ADAMTS18: variants seen among roughly 807,000 people sequenced by gnomAD.
The protein encoded by ADAMTS18 is A disintegrin and metalloproteinase with thrombospondin motifs 18.
ADAMTS18 carries 157 observed loss-of-function variants against 165.9 expected under a neutral mutation model. The ratio of observed to expected loss-of-function variants is 0.95; its 90% confidence interval spans 0.83 to 1.08. The LOEUF (loss-of-function observed/expected upper bound fraction) is 1.08, where lower values mean the gene tolerates loss of function less well. Ranked by LOEUF, ADAMTS18 falls within the 50% of genes least tolerant of loss-of-function variation. The pLI, the probability that ADAMTS18 is intolerant of heterozygous loss-of-function variation, is 0.00. For synonymous variants in ADAMTS18, 782 were observed against 578.2 expected, an observed-to-expected ratio of 1.35 and a Z score of -5.06; for missense variants, 2,040 against 1,534.0, an observed-to-expected ratio of 1.33 and a Z score of -5.51.
chr16:77,304,077 G>C (rs1304176739), intron 16 of ADAMTS18, among the ~76,000 whole-genome samples: 1 of 151,998 alleles, frequency 6.6e-6, no homozygotes, highest in African/African-American at 2.4e-5. Context: ...AAATGTTTTA[G>C]TAAATCTGAG....
Position 77,282,812 on chromosome 16 carries a change from G to C in ADAMTS18, c.*1144C>G, listed in dbSNP as rs369660472. Reference sequence around the variant, plus strand: ...TGATGACTGAAAATACTCTTATTCAGTGAGGGTCTTGTCATATTATGATTT... The same window carrying C: ...TGATGACTGAAAATACTCTTATTCACTGAGGGTCTTGTCATATTATGATTT... On this transcript the variant is annotated 3_prime_UTR_variant, in exon 23 of 23. Transcript: ENST00000282849. 6.6e-6 allele frequency: 1 copy of C among 152,132 alleles called. No individual in the cohort carries two copies. The highest frequency in any genetic ancestry group is 2.4e-5 in the African/African-American group (1 of 41,296). The allele number at this position is 152,132 out of a possible 1,614,324, so 9.4% of individuals were successfully genotyped here.
At chr16:77,389,743 TG>T (rs1454949899) in intron 3 of ADAMTS18, among the ~76,000 whole-genome samples, 2 of 152,086 alleles carry the variant, frequency 1.3e-5, no homozygotes, top group African/African-American at 2.4e-5. Context: ...AAAGAGAGAA[TG>T]GGGGAAGGAA....
At chr16:77,364,067 T>C (rs1473846347) in intron 5 of ADAMTS18, 121 bp downstream of exon 5, 7 of 1,373,198 alleles carry the variant, frequency 5.1e-6, no homozygotes, top group Middle Eastern at 2.0e-4. Flanking sequence ...TTAAAAGTAA[T>C]GGCAGAAACT....
At chr16:77,381,925 A>G (rs1204804720) in intron 3 of ADAMTS18, among the ~76,000 whole-genome samples, 1 of 152,186 alleles carries the variant, frequency 6.6e-6, no homozygotes, top group Non-Finnish European at 1.5e-5. Flanking sequence ...ATCCAGACAT[A>G]CCTGGCTCAA....
In ADAMTS18 at chr16:77,284,078, T is replaced by C; in HGVS notation, c.3551-7A>G. The C allele has an allele frequency of 2.5e-6, 4 of 1,577,508 alleles. No individual in the cohort carries two copies. Among genetic ancestry groups the C allele is most frequent in the South Asian group, 1.1e-5 (1 of 90,288 alleles). ...TCTACGCAGGATGGATCCTCTAAAA[T>C]AAGAAAATATATTTAGCATGTTGGC... On this transcript the variant is annotated splice_polypyrimidine_tract_variant and splice_region_variant and intron_variant, in intron 22 of 22. Coordinates refer to ENST00000282849, the MANE Select transcript of ADAMTS18 (RefSeq NM_199355.4).
chr16:77,384,247 C>A (rs1195151560), intron 3 of ADAMTS18, among the ~76,000 whole-genome samples: 1 of 152,224 alleles, frequency 6.6e-6, no homozygotes, highest in African/African-American at 2.4e-5. Flanking sequence ...TGGAGCTAAA[C>A]ACATCCAATT....
intron 3 of ADAMTS18, among the ~76,000 whole-genome samples, chr16:77,383,081 A>C (rs1396933378): frequency 6.6e-6 from 1 of 152,138 alleles, no homozygotes; most frequent in East Asian, 1.9e-4. Flanking sequence ...ATGAACAACT[A>C]ATCTCTTGAG....
intron 3 of ADAMTS18, among the ~76,000 whole-genome samples, chr16:77,413,909 TATTTC>T (rs1403616626): frequency 6.6e-6 from 1 of 152,042 alleles, no homozygotes; most frequent in Non-Finnish European, 1.5e-5. Flanking sequence ...GAACATGGCC[TATTTC>T]ATTTATCTTC....
At chr16:77,305,045 C>G (rs900218002) in intron 16 of ADAMTS18, among the ~76,000 whole-genome samples, 1 of 152,128 alleles carries the variant, frequency 6.6e-6, no homozygotes, top group South Asian at 2.1e-4. Flanking sequence ...CAGCAGAAAG[C>G]TGATGTAAGA....
At chr16:77,394,801 C>A (rs959811073) in intron 3 of ADAMTS18, among the ~76,000 whole-genome samples, 4 of 152,188 alleles carry the variant, frequency 2.6e-5, no homozygotes, top group Admixed American at 1.3e-4. Flanking sequence ...GGATTGCCAT[C>A]ATTAATTCAT....
intron 3 of ADAMTS18, among the ~76,000 whole-genome samples, chr16:77,384,059 G>A (rs759933961): frequency 8.4e-6 from 1 of 119,076 alleles, no homozygotes. Flanking sequence ...CTCCTTAAAG[G>A]CTGGGACTTT....
At chr16:77,408,704 C>T (rs1225018257) in intron 3 of ADAMTS18, among the ~76,000 whole-genome samples, 4 of 152,058 alleles carry the variant, frequency 2.6e-5, no homozygotes, top group African/African-American at 9.7e-5. Context: ...TGGAGTGAGA[C>T]AATTTGGAAC....
At chr16:77,305,161 T>C (rs981597430) in intron 16 of ADAMTS18, among the ~76,000 whole-genome samples, 2 of 152,208 alleles carry the variant, frequency 1.3e-5, no homozygotes, top group Non-Finnish European at 2.9e-5. Context: ...AATTGTAGCA[T>C]ATTATTTGCT....
intron 3 of ADAMTS18, among the ~76,000 whole-genome samples, chr16:77,427,304 T>A (rs995659943): frequency 1.3e-5 from 2 of 152,190 alleles, no homozygotes; most frequent in Non-Finnish European, 2.9e-5. Flanking sequence ...AATTTTTAGA[T>A]CTCTTAGTAC....
chr16:77,415,787 C>T (rs1024340444), intron 3 of ADAMTS18, among the ~76,000 whole-genome samples: 13 of 146,708 alleles, frequency 8.9e-5, no homozygotes, highest in Middle Eastern at 3.9e-3. Flanking sequence ...ATAAAAGACA[C>T]GCCATTGATG....
At chr16:77,331,947 T>C (rs2056196505) in intron 12 of ADAMTS18, among the ~76,000 whole-genome samples, 1 of 152,224 alleles carries the variant, frequency 6.6e-6, no homozygotes, top group Admixed American at 6.5e-5. Flanking sequence ...CCATTCATCT[T>C]TTTTAAAATG....
intron 3 of ADAMTS18, among the ~76,000 whole-genome samples, chr16:77,424,226 T>C (rs1460076534): frequency 1.3e-5 from 2 of 152,150 alleles, no homozygotes; most frequent in Non-Finnish European, 2.9e-5. Flanking sequence ...CCCAGCACTT[T>C]GGGAGGCCAA....
chr16:77,338,427 G>A (rs1480513759), intron 11 of ADAMTS18, among the ~76,000 whole-genome samples: 1 of 151,666 alleles, frequency 6.6e-6, no homozygotes, highest in East Asian at 2.0e-4. Context: ...AGTAGAGATG[G>A]AATTTCACCA....
intron 3 of ADAMTS18, among the ~76,000 whole-genome samples, chr16:77,372,639 T>C (rs2056892596): frequency 6.6e-6 from 1 of 152,214 alleles, no homozygotes; most frequent in Non-Finnish European, 1.5e-5. Flanking sequence ...CGTGGCCTTA[T>C]GAAGATTATG....
Sources: allele counts gnomAD v4.1 joint callset (sites outside exome capture counted in the v4.1 genomes callset), GRCh38; gene constraint gnomAD v4.1.1; transcripts MANE v1.5; gene names NCBI Gene and HGNC (gene_info 2026-07-23, HGNC 2026-07-21).